Variants in SCHIP1 observed in about 807,000 individuals in gnomAD.
The protein encoded by SCHIP1 is schwannomin interacting protein 1.
A neutral mutation model predicts 29.7 loss-of-function variants in SCHIP1; 8 were observed. The ratio of observed to expected loss-of-function variants is 0.27; its 90% CI spans 0.16 to 0.49. The LOEUF (loss-of-function observed/expected upper bound fraction) is 0.49, where lower values mean the gene tolerates loss of function less well. Ranked by LOEUF, SCHIP1 falls within the 20% of genes least tolerant of loss-of-function variation. The probability of loss-of-function intolerance (pLI) is 0.99; values close to 1 mark genes in which losing one functional copy is unlikely to be tolerated. For missense variants in SCHIP1, 193 were observed against 294.6 expected, an observed-to-expected ratio of 0.66 and a Z score of 2.52; for synonymous variants, 76 against 94.9, an observed-to-expected ratio of 0.80 and a Z score of 1.16.
chr3:159,765,077 G>T, the SCHIP1 span: 1 of 1,569,532 alleles, frequency 6.4e-7, no homozygotes, highest in East Asian at 2.3e-5. Flanking sequence ...CATCTGGCCG[G>T]GCTGCAGTTC....
chr3:159,633,194 T>C, the SCHIP1 span, among the ~76,000 whole-genome samples: 1 of 152,254 alleles, frequency 6.6e-6, no homozygotes, highest in Admixed American at 6.5e-5. Flanking sequence ...TCATTTTCCC[T>C]GTGTTTTTCT....
the SCHIP1 span, among the ~76,000 whole-genome samples, chr3:159,516,525 C>A: frequency 1.3e-5 from 2 of 152,042 alleles, no homozygotes; most frequent in Non-Finnish European, 2.9e-5. Context: ...TGAAACTGCC[C>A]TCTAAAAACA....
the SCHIP1 span, among the ~76,000 whole-genome samples, chr3:159,583,703 T>C: frequency 6.6e-6 from 1 of 152,184 alleles, no homozygotes; most frequent in Non-Finnish European, 1.5e-5. Context: ...TAGTCATCTT[T>C]GGAAATCAGT....
At chr3:159,680,727 T>TAA in the SCHIP1 span, among the ~76,000 whole-genome samples, 3 of 92,908 alleles carry the variant, frequency 3.2e-5, no homozygotes, top group African/African-American at 4.6e-5. Context: ...TATGTATATA[T>TAA]ATAATATACA....
chr3:159,575,297 TATC>T, the SCHIP1 span, among the ~76,000 whole-genome samples: 2 of 152,244 alleles, frequency 1.3e-5, no homozygotes, highest in Non-Finnish European at 2.9e-5. Context: ...ATTAGAGTAC[TATC>T]ATAATATTTT....
chr3:159,386,570 G>T, the SCHIP1 span, among the ~76,000 whole-genome samples: 1 of 151,576 alleles, frequency 6.6e-6, no homozygotes, highest in Non-Finnish European at 1.5e-5. Flanking sequence ...AACCAAAAAA[G>T]AGCCCACATA....
the SCHIP1 span, among the ~76,000 whole-genome samples, chr3:159,621,685 G>A: frequency 2.7e-5 from 4 of 150,764 alleles, no homozygotes; most frequent in African/African-American, 4.9e-5. Flanking sequence ...TTTTTTTTGA[G>A]ACAGAGTTTC....
At chr3:159,685,168 C>A in the SCHIP1 span, among the ~76,000 whole-genome samples, 6 of 152,186 alleles carry the variant, frequency 3.9e-5, no homozygotes, top group Non-Finnish European at 7.3e-5. Context: ...TCCCTGCCCC[C>A]CAAGGAACTT....
the SCHIP1 span, among the ~76,000 whole-genome samples, chr3:159,361,603 G>A: frequency 6.6e-6 from 1 of 152,166 alleles, no homozygotes; most frequent in African/African-American, 2.4e-5. Flanking sequence ...CATTAAGAAG[G>A]ACCTTTCTGG....
At chr3:159,449,468 G>A in the SCHIP1 span, among the ~76,000 whole-genome samples, 2 of 152,034 alleles carry the variant, frequency 1.3e-5, no homozygotes, top group Admixed American at 1.3e-4. Context: ...GATTCCAATA[G>A]GCCCAAAGAC....
At chr3:159,730,166 A>G in the SCHIP1 span, among the ~76,000 whole-genome samples, 3,687 of 152,266 alleles carry the variant, frequency 0.024, 74 homozygotes, top group African/African-American at 0.052. Context: ...TGTTTCATAA[A>G]TCTGTCTGTC....
At chr3:159,379,573 C>T in the SCHIP1 span, among the ~76,000 whole-genome samples, 1 of 152,170 alleles carries the variant, frequency 6.6e-6, no homozygotes, top group Non-Finnish European at 1.5e-5. Context: ...TCATATGATT[C>T]TGAAGATTTA....
the SCHIP1 span, among the ~76,000 whole-genome samples, chr3:159,482,826 C>T: frequency 6.6e-6 from 1 of 152,064 alleles, no homozygotes. Context: ...GGAGAAAAGC[C>T]TGCAGTCACA....
At chr3:159,414,101 T>C in the SCHIP1 span, among the ~76,000 whole-genome samples, 10 of 152,180 alleles carry the variant, frequency 6.6e-5, no homozygotes, top group African/African-American at 2.2e-4. Context: ...GGCACTATAG[T>C]TGAAAGTGAA....
chr3:159,523,444 T>C, the SCHIP1 span, among the ~76,000 whole-genome samples: 1 of 152,232 alleles, frequency 6.6e-6, no homozygotes, highest in Non-Finnish European at 1.5e-5. Flanking sequence ...GGTTTTAAAT[T>C]ATTTAAACCG....
the SCHIP1 span, among the ~76,000 whole-genome samples, chr3:159,565,116 A>G: frequency 1.3e-5 from 2 of 152,174 alleles, no homozygotes; most frequent in Non-Finnish European, 2.9e-5. Context: ...ATGGCAGTCA[A>G]TGTTGATGCC....
the SCHIP1 span, among the ~76,000 whole-genome samples, chr3:159,372,444 A>G: frequency 6.6e-6 from 1 of 152,176 alleles, no homozygotes. Context: ...TAATGTTTTT[A>G]TACTTGATTG....
chr3:159,728,786 G>A, the SCHIP1 span, among the ~76,000 whole-genome samples: 2 of 152,246 alleles, frequency 1.3e-5, no homozygotes, highest in South Asian at 2.1e-4. Context: ...GTGGGGGACA[G>A]TTAGAAACAG....
At chr3:159,339,083 C>T in the SCHIP1 span, among the ~76,000 whole-genome samples, 2 of 152,000 alleles carry the variant, frequency 1.3e-5, no homozygotes, top group African/African-American at 4.8e-5. Flanking sequence ...TGGCCATTTA[C>T]AGCAGACTGA....
Sources: allele counts gnomAD v4.1 joint callset (sites outside exome capture counted in the v4.1 genomes callset), GRCh38; gene constraint gnomAD v4.1.1; transcripts MANE v1.5; gene names NCBI Gene and HGNC (gene_info 2026-07-23, HGNC 2026-07-21).